Variants in DNTT observed in about 807,000 individuals in gnomAD.
DNTT encodes the protein DNA nucleotidylexotransferase.
Under a neutral mutation model 60.9 loss-of-function variants are expected in DNTT, and 47 were observed. The ratio of observed to expected loss-of-function variants is 0.77; its 90% confidence interval spans 0.61 to 0.98. The LOEUF (loss-of-function observed/expected upper bound fraction) is 0.98. Among genes scored for constraint, DNTT ranks in the 50% least tolerant of loss-of-function variants. The pLI, the probability that DNTT is intolerant of heterozygous loss-of-function variation, is 0.00. For missense variants in DNTT, 665 were observed against 627.5 expected (o/e 1.06, Z -0.64); for synonymous variants, 224 against 221.2 (o/e 1.01, Z -0.11).
At chr10:96,307,092 G>A (rs1844647313) in intron 1 of DNTT, among the ~76,000 whole-genome samples, 1 of 152,174 alleles carries the variant, frequency 6.6e-6, no homozygotes, top group Non-Finnish European at 1.5e-5. Flanking sequence ...GCATGTCAAT[G>A]TGCTTTGATA....
In DNTT at chr10:96,320,405, C is replaced by T. The variant is rs536124187; in HGVS notation, c.508-213C>T. Among the ~76,000 whole-genome samples, 347 of 152,316 alleles carry T rather than the reference C, an allele frequency of 2.3e-3. 1 individual carries two copies. Among genetic ancestry groups the T allele is most frequent in the Non-Finnish European group, 4.0e-3 (269 of 68,022 alleles). Reference sequence around the variant, plus strand: ...TTTAATAGCAGTGTACTCCAAGTTTCCGCATAATGCACTCTGGTACCTGTC... The same window carrying T: ...TTTAATAGCAGTGTACTCCAAGTTTTCGCATAATGCACTCTGGTACCTGTC... On this transcript the variant is annotated intron_variant, in intron 3 of 10. Transcript: ENST00000371174.
At chr10:96,330,477 G>A (rs544424664) in intron 8 of DNTT, among the ~76,000 whole-genome samples, 2 of 152,290 alleles carry the variant, frequency 1.3e-5, no homozygotes, top group East Asian at 3.9e-4. Context: ...CTTAAAAAGT[G>A]GAATTGTATT....
intron 1 of DNTT, among the ~76,000 whole-genome samples, chr10:96,316,547 C>T (rs1844788423): frequency 2.0e-5 from 3 of 152,168 alleles, no homozygotes; most frequent in Admixed American, 2.0e-4. Context: ...ATGTAGTTGT[C>T]CCTACGAATT....
At chr10:96,310,119 GACCA>G (rs760163998) in intron 1 of DNTT, among the ~76,000 whole-genome samples, 8 of 152,138 alleles carry the variant, frequency 5.3e-5, no homozygotes, top group Non-Finnish European at 8.8e-5. Context: ...TAGTCACAGG[GACCA>G]ACCCCCCTAC....
intron 4 of DNTT, among the ~76,000 whole-genome samples, chr10:96,321,788 G>A (rs1844883772): frequency 6.6e-6 from 1 of 152,008 alleles, no homozygotes; most frequent in African/African-American, 2.4e-5. Flanking sequence ...GGAGGGGGGA[G>A]CCCTCTCCTG....
chr10:96,318,587 G>T (rs192189737), intron 2 of DNTT, 61 bp downstream of exon 2: 1 of 1,560,786 alleles, frequency 6.4e-7, no homozygotes, highest in Non-Finnish European at 8.7e-7. Flanking sequence ...CATAGGCTTA[G>T]GATCAACGGA....
At position 96,332,418 on chromosome 10, in the gene DNTT, T is replaced by C. The variant is rs371968242; in HGVS notation, c.1181T>C (p.Val394Ala). 1.9e-5 allele frequency: 30 copies of C among 1,614,180 alleles called. No individual in the cohort carries two copies. The East Asian group carries it at 2.0e-4, about 11-fold the overall frequency. ...AAGCTCAGGTTGCCTAGCAGGAAGG[T>C]TGATGCTTTGGATCATTTTCAAAAG... Reference protein sequence around the residue: ...FEKLRLPSRKVDALDHFQKCF... With the variant: ...FEKLRLPSRKADALDHFQKCF... The change falls in exon 9 of 11, where the codon GTT becomes GCT. Residue 394 changes from valine to alanine, a missense_variant. Physicochemically the swap from Val to Ala is moderately conservative, Grantham distance 64. Transcript: ENST00000371174.
At chr10:96,314,148 A>G (rs994029216) in intron 1 of DNTT, among the ~76,000 whole-genome samples, 3 of 152,200 alleles carry the variant, frequency 2.0e-5, no homozygotes, top group African/African-American at 7.2e-5. Flanking sequence ...CTGCTGTTAT[A>G]TAGGAGGTGC....
chr10:96,330,362 C>T (rs1033146260), intron 8 of DNTT, among the ~76,000 whole-genome samples: 2 of 142,556 alleles, frequency 1.4e-5, no homozygotes, highest in African/African-American at 2.6e-5. Context: ...ACAAATTTGG[C>T]TTTCATGTGA....
chr10:96,329,999 C>A (rs964134821), intron 8 of DNTT, among the ~76,000 whole-genome samples: 2 of 152,116 alleles, frequency 1.3e-5, no homozygotes. Context: ...TTCTCAGTGT[C>A]CAGTAGGAAA....
In DNTT at chr10:96,327,714, A is replaced by G. The variant is rs767965785; in HGVS notation, c.1007+114A>G. The stretch of plus-strand genomic sequence containing the variant: ...TGTGATCTGGTGCCAGCTTCTTTCT[A>G]CAGCTTTATCTCCTGCCTCTCACAT... On this transcript the variant is annotated intron_variant, in intron 7 of 10. Transcript: ENST00000371174. The G allele has an allele frequency of 1.9e-5, 28 of 1,477,432 alleles. 1 individual carries two copies. Among genetic ancestry groups the G allele is most frequent in the East Asian group, 1.4e-4 (6 of 43,814 alleles). The allele number at this position is 1,477,432 out of a possible 1,614,324, so 91.5% of individuals were successfully genotyped here.
intron 3 of DNTT, 112 bp downstream of exon 3, chr10:96,319,502 C>A: frequency 2.1e-6 from 3 of 1,457,154 alleles, no homozygotes; most frequent in South Asian, 2.6e-5. Flanking sequence ...GTTTTCCTCC[C>A]ACCTACCTGC....
At position 96,332,234 on chromosome 10, in the gene DNTT, G is replaced by C. The variant is rs922171441; in HGVS notation, c.1114-117G>C. 4.8e-6 allele frequency: 7 copies of C among 1,460,420 alleles called. No individual in the cohort carries two copies. The African/African-American group carries it at 8.5e-5, about 18-fold the overall frequency. 90.5% of individuals were successfully genotyped at this position (1,460,420 alleles called of 1,614,324 possible). On this transcript the variant is annotated intron_variant, in intron 8 of 10. Transcript: ENST00000371174. ...TTTGCAGGTGGGCCTTTAATGCAAG[G>C]CCAAACACATGTCCATGTTCTGCTC...
chr10:96,321,146 G>A (rs1236553339), intron 4 of DNTT, among the ~76,000 whole-genome samples: 2 of 152,112 alleles, frequency 1.3e-5, no homozygotes, highest in Non-Finnish European at 1.5e-5. Flanking sequence ...GAAAGAATTC[G>A]ACTGGGGGGC....
intron 10 of DNTT, 69 bp downstream of exon 10, chr10:96,336,043 A>C: frequency 6.8e-7 from 1 of 1,472,492 alleles, no homozygotes; most frequent in South Asian, 1.1e-5. Context: ...AGCTTTTTTC[A>C]TGGACTGATT....
chr10:96,330,852 A>G (rs761205581), intron 8 of DNTT, among the ~76,000 whole-genome samples: 8 of 152,140 alleles, frequency 5.3e-5, no homozygotes, highest in Non-Finnish European at 1.0e-4. Context: ...GCTTTAGCAA[A>G]CCTTCCAATT....
intron 8 of DNTT, 42 bp downstream of exon 8, chr10:96,328,872 T>C (rs575179404): frequency 6.4e-6 from 10 of 1,573,936 alleles, no homozygotes; most frequent in South Asian, 1.1e-5. Context: ...GCAAACATTA[T>C]GTTAACACTT....
At chr10:96,309,018 C>T (rs892295183) in intron 1 of DNTT, among the ~76,000 whole-genome samples, 1 of 152,140 alleles carries the variant, frequency 6.6e-6, no homozygotes, top group Non-Finnish European at 1.5e-5. Flanking sequence ...AGAGGCCTGA[C>T]AATTAGTTAA....
chr10:96,332,329 AT>A (rs1845016071), intron 8 of DNTT, 21 bp from the exon 9 acceptor site: 2 of 1,608,602 alleles, frequency 1.2e-6, no homozygotes, highest in African/African-American at 2.7e-5. Flanking sequence ...CCTTTTCCTG[AT>A]GCCATTCTGT....
Sources: gnomAD v4.1 joint callset for allele counts (sites outside exome capture counted in the v4.1 genomes callset) on GRCh38, gnomAD v4.1.1 for gene constraint, MANE v1.5 for transcripts, NCBI Gene and HGNC (gene_info 2026-07-23, HGNC 2026-07-21) for gene names.